SGCD: variants seen among roughly 807,000 people sequenced by gnomAD.
SGCD encodes sarcoglycan delta.
A neutral mutation model predicts 36.6 loss-of-function variants in SGCD; 18 were observed. The ratio of observed to expected loss-of-function variants is 0.49; its 90% confidence interval spans 0.34 to 0.73. The LOEUF (loss-of-function observed/expected upper bound fraction) is 0.73, where lower values mean the gene tolerates loss of function less well. Among genes scored for constraint, SGCD ranks in the 30% least tolerant of loss-of-function variants. The probability of loss-of-function intolerance (pLI) is 0.01; values close to 1 mark genes in which losing one functional copy is unlikely to be tolerated. For synonymous variants in SGCD, 133 were observed against 130.6 expected (o/e 1.02, Z -0.12); for missense variants, 387 against 346.7 (o/e 1.12, Z -0.92).
At chr5:155,945,315 A>T (rs1757417878) in intron 1 of SGCD, among the ~76,000 whole-genome samples, 1 of 152,196 alleles carries the variant, frequency 6.6e-6, no homozygotes, top group Non-Finnish European at 1.5e-5. Context: ...TAGGGAAGGG[A>T]GAGAGAACTT....
chr5:156,724,797 T>TGAA (rs1755690856), intron 7 of SGCD, among the ~76,000 whole-genome samples: 1 of 152,150 alleles, frequency 6.6e-6, no homozygotes, highest in Admixed American at 6.6e-5. Flanking sequence ...GACTACACAC[T>TGAA]GAAGAGACAG....
chr5:155,812,009 C>G, the SGCD span, among the ~76,000 whole-genome samples: 1 of 152,190 alleles, frequency 6.6e-6, no homozygotes, highest in African/African-American at 2.4e-5. Context: ...GAAACACAGT[C>G]TTTCCATAAT....
intron 3 of SGCD, among the ~76,000 whole-genome samples, chr5:156,465,729 TC>T (rs2127822251): frequency 6.6e-6 from 1 of 152,300 alleles, no homozygotes; most frequent in East Asian, 1.9e-4. Context: ...TCAGGCTCGT[TC>T]CAATTGAATC....
chr5:156,465,665 T>TGA (rs1448633824), intron 3 of SGCD, among the ~76,000 whole-genome samples: 2 of 152,216 alleles, frequency 1.3e-5, no homozygotes, highest in African/African-American at 4.8e-5. Flanking sequence ...TGTCTCTTTC[T>TGA]GACCCACATC....
chr5:155,771,570 G>A, the SGCD span, among the ~76,000 whole-genome samples: 511 of 151,984 alleles, frequency 3.4e-3, 9 homozygotes, highest in Non-Finnish European at 5.0e-4. Flanking sequence ...ACAGGCGTGC[G>A]TCAATGTGCC....
intron 1 of SGCD, among the ~76,000 whole-genome samples, chr5:156,028,195 A>G (rs1436004616): frequency 1.3e-5 from 2 of 152,158 alleles, no homozygotes; most frequent in African/African-American, 2.4e-5. Flanking sequence ...TTCAGTGACT[A>G]TCATTGTTAG....
chr5:156,171,797 C>A (rs541880118), intron 3 of SGCD, among the ~76,000 whole-genome samples: 1 of 152,118 alleles, frequency 6.6e-6, no homozygotes, highest in Non-Finnish European at 1.5e-5. Context: ...CCTTTCAAAT[C>A]CAACTCTAGT....
intron 3 of SGCD, among the ~76,000 whole-genome samples, chr5:156,204,481 C>A (rs866139376): frequency 6.7e-6 from 1 of 149,340 alleles, no homozygotes; most frequent in South Asian, 2.1e-4. Context: ...CATACACACA[C>A]ACACACACAC....
intron 3 of SGCD, among the ~76,000 whole-genome samples, chr5:156,168,169 T>C (rs765402605): frequency 1.3e-5 from 2 of 152,238 alleles, no homozygotes; most frequent in African/African-American, 2.4e-5. Flanking sequence ...ATTTTTTTCC[T>C]ATTTAGTTAG....
intron 1 of SGCD, among the ~76,000 whole-genome samples, chr5:156,090,036 A>G (rs1050630913): frequency 2.0e-5 from 3 of 152,164 alleles, no homozygotes; most frequent in African/African-American, 4.8e-5. Context: ...GGTCCCTGAC[A>G]TCTCTGCTTC....
At chr5:156,021,286 A>C (rs562027091) in intron 1 of SGCD, among the ~76,000 whole-genome samples, 1 of 152,374 alleles carries the variant, frequency 6.6e-6, no homozygotes, top group South Asian at 2.1e-4. Flanking sequence ...TGTATTGAGC[A>C]TGTATTGTAT....
the SGCD span, among the ~76,000 whole-genome samples, chr5:155,785,256 C>A: frequency 6.6e-6 from 1 of 152,214 alleles, no homozygotes; most frequent in Admixed American, 6.5e-5. Context: ...TCTCTCTCCA[C>A]GGACAAGTTT....
intron 2 of SGCD, among the ~76,000 whole-genome samples, chr5:156,336,965 A>G (rs1281107283): frequency 6.6e-6 from 1 of 152,244 alleles, no homozygotes; most frequent in Non-Finnish European, 1.5e-5. Context: ...ATAGGTGCTT[A>G]CTTTTCTGGA....
At chr5:155,818,954 G>C in the SGCD span, among the ~76,000 whole-genome samples, 1 of 151,766 alleles carries the variant, frequency 6.6e-6, no homozygotes, top group Non-Finnish European at 1.5e-5. Context: ...TTTTTTTCAA[G>C]AACTTTCTGT....
At chr5:156,606,872 G>A (rs1351290654) in intron 6 of SGCD, among the ~76,000 whole-genome samples, 7 of 152,208 alleles carry the variant, frequency 4.6e-5, no homozygotes, top group African/African-American at 7.2e-5. Context: ...GTATAAGAAT[G>A]CTTGTGATTT....
intron 1 of SGCD, among the ~76,000 whole-genome samples, chr5:155,945,702 A>G (rs1283046640): frequency 2.0e-5 from 3 of 152,142 alleles, no homozygotes; most frequent in Admixed American, 2.0e-4. Flanking sequence ...GAGAAAGACC[A>G]GTGTTCCTGA....
At chr5:156,382,835 A>G (rs1415686979) in intron 3 of SGCD, among the ~76,000 whole-genome samples, 1 of 152,232 alleles carries the variant, frequency 6.6e-6, no homozygotes, top group Non-Finnish European at 1.5e-5. Flanking sequence ...TCAGAAAAAA[A>G]CAGTTATTAG....
At chr5:156,284,594 C>G (rs1245049536) in intron 3 of SGCD, among the ~76,000 whole-genome samples, 1 of 152,100 alleles carries the variant, frequency 6.6e-6, no homozygotes, top group Non-Finnish European at 1.5e-5. Context: ...TCAATAGATG[C>G]AGAAAAGGCC....
chr5:155,853,603 C>T, the SGCD span, among the ~76,000 whole-genome samples: 2 of 152,166 alleles, frequency 1.3e-5, no homozygotes, highest in Non-Finnish European at 2.9e-5. Flanking sequence ...AGTGAATAGA[C>T]ATTGTCATTA....
Sources: gnomAD v4.1 joint callset for allele counts (sites outside exome capture counted in the v4.1 genomes callset) on GRCh38, gnomAD v4.1.1 for gene constraint, MANE v1.5 for transcripts, NCBI Gene and HGNC (gene_info 2026-07-23, HGNC 2026-07-21) for gene names.